BCL11A: variants seen among roughly 807,000 people sequenced by gnomAD.
BCL11A encodes the protein BCL11 transcription factor A.
In BCL11A, 2 loss-of-function variants were observed where a neutral mutation model predicts 55.9. The ratio of observed to expected loss-of-function variants is 0.04; its 90% CI spans 0.01 to 0.11. The LOEUF is 0.11. BCL11A is among the 10% of genes least tolerant of loss of function. The pLI is 1.00. For missense variants in BCL11A, 817 were observed against 1,137.1 expected, an observed-to-expected ratio of 0.72 and a Z score of 4.05; for synonymous variants, 465 against 473.4, an observed-to-expected ratio of 0.98 and a Z score of 0.23.
intron 2 of BCL11A, among the ~76,000 whole-genome samples, chr2:60,515,368 G>A (rs1668685767): frequency 6.6e-6 from 1 of 152,194 alleles, no homozygotes; most frequent in African/African-American, 2.4e-5. Context: ...GCAAAGTACA[G>A]ATTAAATACT....
At chr2:60,542,663 C>T (rs1669974724) in intron 2 of BCL11A, 1 of 152,150 alleles carries the variant, frequency 6.6e-6, no homozygotes, top group Non-Finnish European at 1.5e-5. Flanking sequence ...GTGTACAGCT[C>T]ATATGTGTAC....
At chr2:60,493,850 T>TC (rs1678792711) in intron 2 of BCL11A, among the ~76,000 whole-genome samples, 1 of 151,996 alleles carries the variant, frequency 6.6e-6, no homozygotes, top group African/African-American at 2.4e-5. Context: ...TGCCTCCCCC[T>TC]CCCCCATCCT....
intron 2 of BCL11A, among the ~76,000 whole-genome samples, chr2:60,532,405 T>C (rs954282441): frequency 6.6e-6 from 1 of 152,032 alleles, no homozygotes; most frequent in Admixed American, 6.5e-5. Flanking sequence ...TTGCTTTGTT[T>C]TTTGTTTTTT....
At chr2:60,501,426 C>G (rs1441698736) in intron 2 of BCL11A, among the ~76,000 whole-genome samples, 19 of 151,908 alleles carry the variant, frequency 1.3e-4, no homozygotes, top group Admixed American at 1.2e-3. Context: ...AAATACTTTA[C>G]CTGGTTTGTA....
chr2:60,467,885 G>A (rs1676906280), intron 3 of BCL11A, among the ~76,000 whole-genome samples: 2 of 118,416 alleles, frequency 1.7e-5, no homozygotes, highest in Non-Finnish European at 1.9e-5. Flanking sequence ...GATGGTGGTG[G>A]TGGTAGTGAT....
At chr2:60,552,839 T>C (rs1048723506) in intron 1 of BCL11A, among the ~76,000 whole-genome samples, 1 of 151,702 alleles carries the variant, frequency 6.6e-6, no homozygotes, top group South Asian at 2.1e-4. Flanking sequence ...CAGGTTTGCA[T>C]GTGAGTTGTT....
intron 2 of BCL11A, among the ~76,000 whole-genome samples, chr2:60,473,693 C>G (rs575372248): frequency 6.6e-6 from 1 of 152,352 alleles, no homozygotes; most frequent in South Asian, 2.1e-4. Context: ...ACCAGTTCTT[C>G]TCACTTAGAT....
chr2:60,461,816 C>T lies in BCL11A; in HGVS notation c.1096G>A (p.Ala366Thr), dbSNP rs1243567359. 1.1e-6 allele frequency: 1 copy of T among 907,884 alleles called. No individual in the cohort carries two copies. The highest frequency in any genetic ancestry group is 1.5e-6 in the Non-Finnish European group (1 of 682,608). 56.2% of individuals were successfully genotyped at this position (907,884 alleles called of 1,614,324 possible). The change falls in exon 4 of 4, where the codon GCC becomes ACC. Residue 366 changes from alanine (A) to threonine (T), a missense_variant. Physicochemically the swap from Ala to Thr is moderately conservative, Grantham distance 58. This residue lies in a region of BCL11A where 363 missense variants were observed against 486.6 expected (regional missense o/e 0.75). Coordinates refer to ENST00000642384, the MANE Select transcript of BCL11A (RefSeq NM_022893.4). ...ACCGGGGGCTGGGAGGGAGGAGGGG[C>T]GGATTGCAGAGGAGGGAGGGGGGGC... ...ATPPLPPLQS[A>T]PPPSQPPVKS...
At chr2:60,486,973 A>G (rs1678313197) in intron 2 of BCL11A, among the ~76,000 whole-genome samples, 1 of 152,260 alleles carries the variant, frequency 6.6e-6, no homozygotes, top group Non-Finnish European at 1.5e-5. Flanking sequence ...TTCTATCAGA[A>G]TAAAAAAGAC....
At chr2:60,464,843 T>C (rs1490751554) in intron 3 of BCL11A, among the ~76,000 whole-genome samples, 1 of 152,238 alleles carries the variant, frequency 6.6e-6, no homozygotes, top group Non-Finnish European at 1.5e-5. Flanking sequence ...AACACTGTGA[T>C]GTTATCCTCC....
intron 1 of BCL11A, among the ~76,000 whole-genome samples, chr2:60,552,889 GGGC>G (rs1670479681): frequency 4.3e-5 from 1 of 23,378 alleles, no homozygotes; most frequent in African/African-American, 1.1e-4. Flanking sequence ...AAAACTGGCG[GGGC>G]GGGGGGGGAG....
At chr2:60,485,028 C>CA (rs1050187442) in intron 2 of BCL11A, among the ~76,000 whole-genome samples, 4 of 147,922 alleles carry the variant, frequency 2.7e-5, no homozygotes, top group Non-Finnish European at 6.0e-5. Flanking sequence ...ATAGGAAATA[C>CA]AAAAAACAAT....
chr2:60,484,993 A>C (rs901247995), intron 2 of BCL11A, among the ~76,000 whole-genome samples: 40 of 151,724 alleles, frequency 2.6e-4, no homozygotes, highest in Non-Finnish European at 1.5e-4. Flanking sequence ...CAACCAACCA[A>C]ACAAAAAACA....
intron 2 of BCL11A, among the ~76,000 whole-genome samples, chr2:60,506,891 T>C (rs948979786): frequency 3.3e-5 from 5 of 152,206 alleles, no homozygotes; most frequent in Admixed American, 3.3e-4. Flanking sequence ...GATGGCATTA[T>C]CTAATTTAAC....
At chr2:60,513,015 C>T (rs981632572) in intron 2 of BCL11A, among the ~76,000 whole-genome samples, 2 of 152,128 alleles carry the variant, frequency 1.3e-5, no homozygotes, top group Non-Finnish European at 2.9e-5. Flanking sequence ...CAGTGGACCA[C>T]ACCACCACCT....
At position 60,457,594 on chromosome 2, in the gene BCL11A, T is replaced by C. The variant is rs1558607741; in HGVS notation, c.*2810A>G. ...AGCGGGCTTTCTCTTTAATATGCTT[T>C]GCATATGAAATTCTTTCCAATCTAA... On this transcript the variant is annotated 3_prime_UTR_variant, in exon 4 of 4. Coordinates refer to ENST00000642384, the MANE Select transcript of BCL11A (RefSeq NM_022893.4). The C allele has an allele frequency of 9.6e-7, 1 of 1,045,696 alleles. No individual in the cohort carries two copies. The highest frequency in any genetic ancestry group is 1.2e-6 in the Non-Finnish European group (1 of 866,932). The allele number at this position is 1,045,696 out of a possible 1,614,324, so 64.8% of individuals were successfully genotyped here.
chr2:60,507,359 G>C (rs1679699034), intron 2 of BCL11A, among the ~76,000 whole-genome samples: 1 of 50,512 alleles, frequency 2.0e-5, no homozygotes, highest in African/African-American at 1.3e-4. Context: ...GAAGGGAAGG[G>C]AAGGGAAGGG....
At chr2:60,543,656 T>C (rs1022942539) in intron 2 of BCL11A, 1 of 152,252 alleles carries the variant, frequency 6.6e-6, no homozygotes, top group East Asian at 1.9e-4. Flanking sequence ...TACTGACATC[T>C]CACTTTGAGA....
intron 2 of BCL11A, among the ~76,000 whole-genome samples, chr2:60,471,152 C>T (rs12469024): frequency 0.17 from 25,295 of 152,220 alleles, 3,697 homozygotes; most frequent in East Asian, 0.77. Flanking sequence ...AATGAACTGA[C>T]TTGGTCTCAC....
Sources: allele counts gnomAD v4.1 joint callset (sites outside exome capture counted in the v4.1 genomes callset), GRCh38; gene constraint gnomAD v4.1.1; regional missense constraint gnomAD v4.1.1; transcripts MANE v1.5; gene names NCBI Gene and HGNC (gene_info 2026-07-23, HGNC 2026-07-21).